RNF44: variants seen among roughly 807,000 people sequenced by gnomAD.
The protein encoded by RNF44 is ring finger protein 44.
RNF44 carries 25 observed loss-of-function variants against 53.6 expected under a neutral mutation model. The ratio of observed to expected loss-of-function variants is 0.47; its 90% CI spans 0.34 to 0.65. RNF44 has a LOEUF of 0.65. Among genes scored for constraint, RNF44 ranks in the 30% least tolerant of loss-of-function variants. RNF44 has a pLI of 0.01. For missense variants in RNF44, 581 were observed against 595.5 expected, an observed-to-expected ratio of 0.98 and a Z score of 0.25; for synonymous variants, 282 against 252.2, an observed-to-expected ratio of 1.12 and a Z score of -1.12.
Position 176,529,082 on chromosome 5 carries a change from C to T in RNF44, c.1245G>A (p.Arg415=), listed in dbSNP as rs776818411. The change falls in exon 11 of 11, where the codon CGG becomes CGA. Residue 415 remains arginine, a synonymous_variant. Transcript: ENST00000274811. The stretch of plus-strand genomic sequence containing the variant: ...CGTCGGCCCGGCAGATGGGACACGT[C>T]CGGTTGGCCTGTGGGAACATGCACG... ...KCVDKWLKAN[R]TCPICRADAS... 1 of 1,613,190 alleles carries T rather than the reference C, an allele frequency of 6.2e-7. No homozygotes were observed. The highest frequency in any genetic ancestry group is 8.5e-7 in the Non-Finnish European group (1 of 1,179,976).
At chr5:176,537,481 C>T (rs2113209488), upstream of RNF44, 2 of 152,336 alleles carry the variant, frequency 1.3e-5, no homozygotes, top group South Asian at 4.1e-4. Context: ...ACTAGTGGGC[C>T]ACCATCTTGA....
At chr5:176,535,319 T>A (rs927190519) in intron 1 of RNF44, among the ~76,000 whole-genome samples, 1 of 152,196 alleles carries the variant, frequency 6.6e-6, no homozygotes, top group African/African-American at 2.4e-5. Flanking sequence ...TGAATGATCA[T>A]TATTAGCGAA....
At chr5:176,543,462 G>C in the RNF44 span, 4 of 151,932 alleles carry the variant, frequency 2.6e-5, no homozygotes, top group East Asian at 7.8e-4. The surrounding 1 kb of genome is among the most constrained non-coding windows in gnomAD (Gnocchi z 4.0). Context: ...CCCCCGCCCC[G>C]GCCCCGCGCG....
rs1323465366 is a variant in RNF44 at position 176,531,439 on chromosome 5, G to T, written c.465+24C>A. On this transcript the variant is annotated intron_variant, in intron 4 of 10. Coordinates refer to ENST00000274811, the MANE Select transcript of RNF44 (RefSeq NM_014901.5). The surrounding 1 kb of genome is among the most constrained non-coding windows in gnomAD (Gnocchi z 4.2). ...TGCCTGGGGCTTGCAGCTGGTGGAGGAGGAGCTAGAAACACTCACTCACCG... is the reference window on the plus strand; with the variant it reads ...TGCCTGGGGCTTGCAGCTGGTGGAGTAGGAGCTAGAAACACTCACTCACCG... The T allele has an allele frequency of 3.4e-5, 52 of 1,542,466 alleles. No individual in the cohort carries two copies. Among genetic ancestry groups the T allele is most frequent in the Non-Finnish European group, 4.4e-5 (50 of 1,143,748 alleles).
chr5:176,539,735 T>TA (rs1276821926), upstream of RNF44, among the ~76,000 whole-genome samples: 1 of 151,980 alleles, frequency 6.6e-6, no homozygotes, highest in Non-Finnish European at 1.5e-5. Flanking sequence ...ACATATTTGT[T>TA]AGATTACTGC....
In RNF44 at chr5:176,531,561, T is replaced by C. The variant is rs745586995; in HGVS notation, c.367A>G (p.Thr123Ala). 3 of 1,613,118 alleles carry C rather than the reference T, an allele frequency of 1.9e-6. No homozygotes were observed. Among genetic ancestry groups the C allele is most frequent in the South Asian group, 2.2e-5 (2 of 90,928 alleles). ...TVTTQGFPLPTGQHIPGCSAQ... is the reference protein window; with the variant it reads ...TVTTQGFPLPAGQHIPGCSAQ... Reference sequence around the variant, plus strand: ...CTGCAGCCAGGGATGTGCTGGCCTGTAGGCAAGGGGAAGCCTTGGGTCGTC... The same window carrying C: ...CTGCAGCCAGGGATGTGCTGGCCTGCAGGCAAGGGGAAGCCTTGGGTCGTC... The change falls in exon 4 of 11, where the codon ACA becomes GCA. Residue 123 changes from threonine (T) to alanine (A), a missense_variant. Coordinates refer to ENST00000274811, the MANE Select transcript of RNF44 (RefSeq NM_014901.5). This position sits in a 1 kb window ranked among gnomAD's most constrained non-coding sequence, Gnocchi z 4.2.
In RNF44 at chr5:176,529,786, C is replaced by T; in HGVS notation, c.959G>A (p.Gly320Glu). 1 of 1,610,400 alleles carries T rather than the reference C, an allele frequency of 6.2e-7. No homozygotes were observed. Among genetic ancestry groups the T allele is most frequent in the Non-Finnish European group, 8.5e-7 (1 of 1,178,172 alleles). ...GTCCAGGTCCAGGCTGATGGTGGGC[C>T]CCATTGCTGTTGGTGACATTGGCAG... ...SMLPMSPTAM[G>E]PTISLDLDVD... The change falls in exon 8 of 11, where the codon GGG (glycine) becomes GAG (glutamate). Residue 320 changes from glycine (G) to glutamate (E), a missense_variant. Gly to Glu is a moderately conservative substitution (Grantham distance 98). Coordinates refer to ENST00000274811, the MANE Select transcript of RNF44 (RefSeq NM_014901.5).
At chr5:176,530,046 G>C (rs1351958707) in intron 7 of RNF44, 36 bp downstream of exon 7, 1 of 1,378,994 alleles carries the variant, frequency 7.3e-7, no homozygotes, top group Admixed American at 2.8e-5. Context: ...GGAGAACAGG[G>C]CATCAGGGAC....
In RNF44 at chr5:176,526,973, ATATT is replaced by A. The variant is rs917358390; in HGVS notation, c.*2051_*2054del. ...CTTTAAGAACCATTTTTTTCTCTAT[ATATT>A]AGCATTTTCTCAAATACATACATGG... is the stretch of plus-strand genomic sequence containing the variant. On this transcript the variant is annotated 3_prime_UTR_variant, in exon 11 of 11. Transcript: ENST00000274811. 6.6e-6 allele frequency: 1 copy of A among 152,442 alleles called. No individual in the cohort carries two copies. Among genetic ancestry groups the A allele is most frequent in the Non-Finnish European group, 1.5e-5 (1 of 68,030 alleles). 9.4% of individuals were successfully genotyped at this position (152,442 alleles called of 1,614,324 possible). A position where few individuals can be genotyped will look rare whatever the true frequency, so the allele number is the denominator to read the frequency against.
At chr5:176,539,930 T>TA (rs1413274190), upstream of RNF44, among the ~76,000 whole-genome samples, 1 of 152,126 alleles carries the variant, frequency 6.6e-6, no homozygotes, top group African/African-American at 2.4e-5. Flanking sequence ...CCTTCCTGCC[T>TA]TTGCTCAGGC....
At chr5:176,540,322 C>G (rs1433233912), upstream of RNF44, among the ~76,000 whole-genome samples, 3 of 152,142 alleles carry the variant, frequency 2.0e-5, no homozygotes, top group Admixed American at 1.3e-4. Flanking sequence ...ACAGTAAGAC[C>G]ACCTTTTCCA....
In RNF44 at chr5:176,529,333, G is replaced by A. The variant is rs1756339222; in HGVS notation, c.1191C>T (p.Pro397=). Residue 397 remains proline, a synonymous_variant, in exon 10 of 11, where the codon CCC becomes CCT. Transcript: ENST00000274811. ...ACTTGGTGTGGAACTCATGGTTGCA[G>A]GGGAGGACTCGGAGCAGCTGCCGCG... The part of the protein sequence containing the change: ...FEARQLLRVL[P]CNHEFHTKCV... The A allele has an allele frequency of 1.7e-5, 27 of 1,613,640 alleles. No homozygotes were observed. The highest frequency in any genetic ancestry group is 2.3e-5 in the Non-Finnish European group (27 of 1,180,014).
intron 1 of RNF44, among the ~76,000 whole-genome samples, chr5:176,533,280 G>A (rs1267307383): frequency 1.3e-5 from 2 of 152,150 alleles, no homozygotes; most frequent in Non-Finnish European, 2.9e-5. Context: ...TGCCCTCGGG[G>A]GCTTCCAGTC....
Position 176,527,558 on chromosome 5 carries a change from G to A in RNF44, c.*1470C>T, listed in dbSNP as rs1756137540. 1 of 152,444 alleles carries A rather than the reference G, an allele frequency of 6.6e-6. No homozygotes were observed. Among genetic ancestry groups the A allele is most frequent in the African/African-American group, 2.4e-5 (1 of 41,438 alleles). 9.4% of individuals were successfully genotyped at this position (152,444 alleles called of 1,614,324 possible). A position where few individuals can be genotyped will look rare whatever the true frequency, so the allele number is the denominator to read the frequency against. ...GTAAGACTTTGGGTTCTCCATGGGG[G>A]TGGGACCAGGCTGACGGGCCCCACG... On this transcript the variant is annotated 3_prime_UTR_variant, in exon 11 of 11. Coordinates refer to ENST00000274811, the MANE Select transcript of RNF44 (RefSeq NM_014901.5).
Position 176,529,401 on chromosome 5 carries a change from C to A in RNF44, c.1137-14G>T. ...CAGACCACACACCTGTGGAGGGGCG[C>A]GGAGCGTCACCTCCACGCTGAGGGC... On this transcript the variant is annotated splice_polypyrimidine_tract_variant and intron_variant, in intron 9 of 10. Transcript: ENST00000274811. The A allele has an allele frequency of 1.9e-6, 3 of 1,606,790 alleles. No homozygotes were observed. The highest frequency in any genetic ancestry group is 1.7e-6 in the Non-Finnish European group (2 of 1,175,112).
upstream of RNF44, among the ~76,000 whole-genome samples, chr5:176,540,241 G>A (rs1278995373): frequency 6.6e-6 from 1 of 152,024 alleles, no homozygotes; most frequent in Non-Finnish European, 1.5e-5. Context: ...TGGCATATAC[G>A]GGTACCCCAG....
Position 176,530,917 on chromosome 5 carries a change from T to TGGGGGGGGGGGG in RNF44, c.569_570insCCCCCCCCCCCC (p.Pro192_Gln193insProProProPro). 6 of 232,842 alleles carry TGGGGGGGGGGGG rather than the reference T, an allele frequency of 2.6e-5. No individual in the cohort carries two copies. The highest frequency in any genetic ancestry group is 4.2e-5 in the Non-Finnish European group (6 of 143,568). 14.4% of individuals were successfully genotyped at this position (232,842 alleles called of 1,614,324 possible). A position where few individuals can be genotyped will look rare whatever the true frequency, so the allele number is the denominator to read the frequency against. ...GCGCCATGTGGGTGGGCTGGGGGGG[T>TGGGGGGGGGGGG]GGGGCCGGTGGTGGGGGGTGCAGGA... On this transcript the variant is annotated inframe_insertion, in exon 5 of 11. Coordinates refer to ENST00000274811, the MANE Select transcript of RNF44 (RefSeq NM_014901.5).
upstream of RNF44, among the ~76,000 whole-genome samples, chr5:176,541,061 T>C (rs1757437639): frequency 6.6e-6 from 1 of 152,154 alleles, no homozygotes; most frequent in East Asian, 1.9e-4. Context: ...GAGACGTCGT[T>C]TACTTTCATC....
chr5:176,540,889 CCA>C (rs1390525581), upstream of RNF44, among the ~76,000 whole-genome samples: 2 of 152,242 alleles, frequency 1.3e-5, no homozygotes, highest in African/African-American at 4.8e-5. Context: ...CCAGAATTTT[CCA>C]GTTTTTCAAA....
Sources: allele counts gnomAD v4.1 joint callset (sites outside exome capture counted in the v4.1 genomes callset), GRCh38; gene constraint gnomAD v4.1.1; non-coding constraint Gnocchi (gnomAD v3.1); transcripts MANE v1.5; gene names NCBI Gene and HGNC (gene_info 2026-07-23, HGNC 2026-07-21).